SLC24A2: variants seen among roughly 807,000 people sequenced by gnomAD.
SLC24A2 encodes the protein solute carrier family 24 member 2, also known as sodium/potassium/calcium exchanger 2.
SLC24A2 carries 36 observed loss-of-function variants against 62.0 expected under a neutral mutation model. The observed-to-expected ratio is 0.58, with a 90% CI of 0.44 to 0.77. The LOEUF is 0.77. Among genes scored for constraint, SLC24A2 ranks in the 30% least tolerant of loss-of-function variants. The probability of loss-of-function intolerance (pLI) is 0.00; values close to 1 mark genes in which losing one functional copy is unlikely to be tolerated. For synonymous variants in SLC24A2, 358 were observed against 294.0 expected, an observed-to-expected ratio of 1.22 and a Z score of -2.23; for missense variants, 846 against 817.9, an observed-to-expected ratio of 1.03 and a Z score of -0.42.
At chr9:19,573,228 G>A (rs1332105816) in intron 7 of SLC24A2, 123 bp downstream of exon 7, 4 of 704,712 alleles carry the variant, frequency 5.7e-6, no homozygotes, top group Middle Eastern at 2.4e-4. Flanking sequence ...GATGTATAAG[G>A]CCCTACCTGA....
chr9:19,531,814 C>T (rs1363836818), intron 8 of SLC24A2, among the ~76,000 whole-genome samples: 4 of 149,106 alleles, frequency 2.7e-5, no homozygotes, highest in African/African-American at 7.4e-5. Flanking sequence ...ATTATTTAAT[C>T]TCTTTAAGCT....
chr9:20,146,168 C>T, the SLC24A2 span, among the ~76,000 whole-genome samples: 1 of 152,036 alleles, frequency 6.6e-6, no homozygotes, highest in African/African-American at 2.4e-5. Flanking sequence ...AATAGTGATC[C>T]AGAGAACTGG....
intron 5 of SLC24A2, among the ~76,000 whole-genome samples, chr9:19,584,273 T>TAAAAAAAAA (rs5896848): frequency 1.3e-4 from 16 of 119,920 alleles, no homozygotes; most frequent in South Asian, 2.7e-4. Context: ...TAGCAAATAG[T>TAAAAAAAAA]AAAAAAAAAA....
chr9:19,924,282 A>T, the SLC24A2 span, among the ~76,000 whole-genome samples: 1 of 152,214 alleles, frequency 6.6e-6, no homozygotes, highest in South Asian at 2.1e-4. Flanking sequence ...CAGCTTGTTT[A>T]GGGTGGTTGT....
At chr9:19,730,771 T>G (rs565064917) in intron 2 of SLC24A2, among the ~76,000 whole-genome samples, 1 of 152,170 alleles carries the variant, frequency 6.6e-6, no homozygotes, top group Non-Finnish European at 1.5e-5. Flanking sequence ...AAAATATTTT[T>G]CGATGCATAT....
At chr9:19,651,291 A>G (rs1818793987) in intron 2 of SLC24A2, among the ~76,000 whole-genome samples, 1 of 152,232 alleles carries the variant, frequency 6.6e-6, no homozygotes, top group African/African-American at 2.4e-5. Flanking sequence ...TGTTACATAT[A>G]TTGCCTACTT....
At chr9:19,554,633 G>C (rs1416740427) in intron 7 of SLC24A2, among the ~76,000 whole-genome samples, 1 of 152,194 alleles carries the variant, frequency 6.6e-6, no homozygotes, top group Non-Finnish European at 1.5e-5. Flanking sequence ...TTAAGTTCTG[G>C]CCAAAGGATG....
chr9:20,173,960 C>A, the SLC24A2 span, among the ~76,000 whole-genome samples: 1 of 152,084 alleles, frequency 6.6e-6, no homozygotes. Flanking sequence ...TACTAGAAAA[C>A]CATAGTCACC....
chr9:19,720,070 G>A (rs952227879), intron 2 of SLC24A2, among the ~76,000 whole-genome samples: 4 of 152,126 alleles, frequency 2.6e-5, no homozygotes, highest in East Asian at 3.9e-4. Flanking sequence ...GAGGTAAACC[G>A]GAAAGGCTAT....
At chr9:19,712,312 T>C (rs1820738246) in intron 2 of SLC24A2, among the ~76,000 whole-genome samples, 1 of 152,204 alleles carries the variant, frequency 6.6e-6, no homozygotes, top group Admixed American at 6.5e-5. Flanking sequence ...ACTCGAGAAC[T>C]CTATTCCAGA....
chr9:19,955,283 G>A, the SLC24A2 span, among the ~76,000 whole-genome samples: 1 of 151,802 alleles, frequency 6.6e-6, no homozygotes, highest in Admixed American at 6.6e-5. Context: ...TATTCATGTT[G>A]GAGTGATGTA....
the SLC24A2 span, among the ~76,000 whole-genome samples, chr9:19,821,733 T>A: frequency 1.3e-5 from 2 of 152,152 alleles, no homozygotes; most frequent in Non-Finnish European, 2.9e-5. Context: ...ATATCCTAAC[T>A]TTCTTACAAG....
chr9:20,002,365 CTT>C, the SLC24A2 span, among the ~76,000 whole-genome samples: 451 of 130,178 alleles, frequency 3.5e-3, 4 homozygotes, highest in African/African-American at 0.012. Context: ...AGCTACAAAC[CTT>C]TTTTTTTTTT....
the SLC24A2 span, among the ~76,000 whole-genome samples, chr9:20,284,117 C>T: frequency 1.3e-5 from 2 of 152,178 alleles, no homozygotes; most frequent in African/African-American, 2.4e-5. Context: ...CGAACTATCA[C>T]TCGACATTTC....
the SLC24A2 span, among the ~76,000 whole-genome samples, chr9:20,260,842 A>ATTTTTTTTT: frequency 1.6e-5 from 2 of 124,966 alleles, no homozygotes; most frequent in African/African-American, 3.1e-5. Context: ...CCAACGTATC[A>ATTTTTTTTT]TTCTTTCTTT....
the SLC24A2 span, among the ~76,000 whole-genome samples, chr9:19,828,097 C>T: frequency 2.8e-4 from 42 of 152,044 alleles, no homozygotes; most frequent in Admixed American, 1.3e-3. Flanking sequence ...TATGATGATT[C>T]CATTACAAGT....
chr9:19,524,828 G>A (rs112682926), intron 9 of SLC24A2, among the ~76,000 whole-genome samples: 1 of 152,014 alleles, frequency 6.6e-6, no homozygotes, highest in South Asian at 2.1e-4. Context: ...CTGGAATTAA[G>A]GTAATCATTA....
At chr9:19,946,545 C>T in the SLC24A2 span, among the ~76,000 whole-genome samples, 1 of 152,224 alleles carries the variant, frequency 6.6e-6, no homozygotes, top group South Asian at 2.1e-4. Flanking sequence ...ACCCATTTTG[C>T]CTTAACCGTA....
chr9:20,196,809 A>T, the SLC24A2 span, among the ~76,000 whole-genome samples: 2 of 152,370 alleles, frequency 1.3e-5, no homozygotes, highest in East Asian at 3.9e-4. Flanking sequence ...TGCATAAAAA[A>T]ACAAATAATA....
Sources: gnomAD v4.1 joint callset for allele counts (sites outside exome capture counted in the v4.1 genomes callset) on GRCh38, gnomAD v4.1.1 for gene constraint, MANE v1.5 for transcripts, NCBI Gene and HGNC (gene_info 2026-07-23, HGNC 2026-07-21) for gene names.